Variants in ZNF385D observed in about 807,000 individuals in gnomAD.
ZNF385D encodes the protein zinc finger protein 385D, also known as zinc finger protein 659.
A neutral mutation model predicts 35.8 loss-of-function variants in ZNF385D; 15 were observed. The ratio of observed to expected loss-of-function variants is 0.42; its 90% confidence interval spans 0.28 to 0.64. The LOEUF is 0.64. Ranked by LOEUF, ZNF385D falls within the 30% of genes least tolerant of loss-of-function variation. ZNF385D has a pLI of 0.23. For synonymous variants in ZNF385D, 212 were observed against 186.8 expected, an observed-to-expected ratio of 1.13 and a Z score of -1.10; for missense variants, 474 against 494.6, an observed-to-expected ratio of 0.96 and a Z score of 0.39.
At chr3:22,021,900 C>T (rs1697244892) in intron 3 of ZNF385D, among the ~76,000 whole-genome samples, 1 of 152,030 alleles carries the variant, frequency 6.6e-6, no homozygotes, top group African/African-American at 2.4e-5. Context: ...GAATAATTCC[C>T]AGGTGATTCT....
chr3:22,222,155 T>A (rs183072211), intron 2 of ZNF385D, among the ~76,000 whole-genome samples: 36 of 152,096 alleles, frequency 2.4e-4, no homozygotes, highest in Non-Finnish European at 3.8e-4. Context: ...TTTTATATTT[T>A]TAGTAGAGAT....
intron 5 of ZNF385D, among the ~76,000 whole-genome samples, chr3:21,435,644 T>C (rs1701514258): frequency 6.6e-6 from 1 of 152,186 alleles, no homozygotes; most frequent in African/African-American, 2.4e-5. Flanking sequence ...AATGAATGTG[T>C]TTCTCAGTCA....
At chr3:21,960,703 T>C (rs1293881495) in intron 3 of ZNF385D, among the ~76,000 whole-genome samples, 1 of 151,970 alleles carries the variant, frequency 6.6e-6, no homozygotes, top group African/African-American at 2.4e-5. Flanking sequence ...AATCAACAGA[T>C]AAATGGATAA....
intron 2 of ZNF385D, among the ~76,000 whole-genome samples, chr3:22,276,960 A>G (rs1179734034): frequency 6.6e-6 from 1 of 152,108 alleles, no homozygotes; most frequent in Non-Finnish European, 1.5e-5. Flanking sequence ...TTCACTTAAG[A>G]CTTTATTTTA....
intron 2 of ZNF385D, among the ~76,000 whole-genome samples, chr3:22,191,996 G>T (rs760454963): frequency 6.6e-6 from 1 of 152,128 alleles, no homozygotes. Flanking sequence ...ACATAATGAT[G>T]AAGAGGATAT....
intron 3 of ZNF385D, among the ~76,000 whole-genome samples, chr3:22,031,598 C>T (rs947844632): frequency 1.3e-5 from 2 of 152,146 alleles, no homozygotes; most frequent in Non-Finnish European, 1.5e-5. Flanking sequence ...CTGGACTGGG[C>T]CTACAAAACC....
At chr3:22,298,038 A>T (rs756562260) in intron 2 of ZNF385D, among the ~76,000 whole-genome samples, 3 of 152,078 alleles carry the variant, frequency 2.0e-5, no homozygotes, top group Non-Finnish European at 4.4e-5. Flanking sequence ...GATGAAGGGT[A>T]GAGGGAAGAG....
At position 22,331,406 on chromosome 3, in the gene ZNF385D, T is replaced by C. The variant is rs187403089; in HGVS notation, c.106+41044A>G. On this transcript the variant is annotated intron_variant, in intron 2 of 5. Transcript: ENST00000494108. ...AAACTCTAACAATGGTTATAAACAG[T>C]AATATGAATAAAACAAAAAGAAAAC... Among the ~76,000 whole-genome samples the C allele has an allele frequency of 2.5e-3, 388 of 152,270 alleles. 3 individuals carry two copies. The highest frequency in any genetic ancestry group is 0.01 in the Middle Eastern group (3 of 294).
chr3:22,248,589 G>A (rs868346760), intron 2 of ZNF385D, among the ~76,000 whole-genome samples: 18 of 152,076 alleles, frequency 1.2e-4, no homozygotes, highest in African/African-American at 4.1e-4. Context: ...TTTGGATTTT[G>A]ATTCTGGTTT....
intron 2 of ZNF385D, among the ~76,000 whole-genome samples, chr3:21,585,278 G>C (rs774950783): frequency 2.5e-4 from 38 of 152,084 alleles, no homozygotes; most frequent in Non-Finnish European, 3.7e-4. Context: ...ACATGATTTA[G>C]GATCATGTCA....
chr3:21,530,273 G>A (rs2061892194), intron 3 of ZNF385D, among the ~76,000 whole-genome samples: 2 of 152,076 alleles, frequency 1.3e-5, no homozygotes, highest in South Asian at 4.1e-4. Context: ...TCCAGCCTCA[G>A]GTATTTCTTC....
intron 1 of ZNF385D, among the ~76,000 whole-genome samples, chr3:21,684,366 C>CG (rs35180417): frequency 1.3e-4 from 6 of 46,694 alleles, no homozygotes; most frequent in African/African-American, 3.1e-4. Context: ...AACTGTTCTC[C>CG]TCTCTCTCTC....
At chr3:22,222,276 A>T (rs1559462144) in intron 2 of ZNF385D, among the ~76,000 whole-genome samples, 1 of 151,994 alleles carries the variant, frequency 6.6e-6, no homozygotes, top group Non-Finnish European at 1.5e-5. Context: ...AACCACTCTC[A>T]ATTCTGCTGG....
chr3:22,198,493 T>TA (rs1400535440), intron 2 of ZNF385D, among the ~76,000 whole-genome samples: 1 of 152,026 alleles, frequency 6.6e-6, no homozygotes. Context: ...TTTCATAGAA[T>TA]AAAGAAAACA....
intron 2 of ZNF385D, among the ~76,000 whole-genome samples, chr3:22,238,003 A>G (rs1365509560): frequency 1.3e-5 from 2 of 151,004 alleles, no homozygotes; most frequent in Admixed American, 6.6e-5. Context: ...TAGGGGTCCA[A>G]CTTTATTTTT....
At chr3:21,695,616 T>C in intron 1 of ZNF385D, among the ~76,000 whole-genome samples, 1 of 152,130 alleles carries the variant, frequency 6.6e-6, no homozygotes, top group East Asian at 1.9e-4. Flanking sequence ...AAATGATCCT[T>C]ACCATGCTCT....
In ZNF385D at chr3:22,059,251, G is replaced by A. The variant is rs1473607701; in HGVS notation, c.325+109566C>T. 2.6e-5 allele frequency among the ~76,000 whole-genome samples: 4 copies of A among 152,266 alleles called. 1 individual carries two copies. The highest frequency in any genetic ancestry group is 2.0e-4 in the Admixed American group (3 of 15,304). ...AGTGACAGGTGTGTGGGTAAGGGAG[G>A]AAAGAGAGAAAGGGAAAAGAAGAAG... On this transcript the variant is annotated intron_variant, in intron 3 of 5. Transcript: ENST00000494108.
chr3:21,515,291 A>T (rs796177571), intron 3 of ZNF385D, among the ~76,000 whole-genome samples: 2 of 152,166 alleles, frequency 1.3e-5, no homozygotes, highest in Non-Finnish European at 2.9e-5. Context: ...CTTTTATTCC[A>T]TTAGCACCAA....
At chr3:21,695,649 TCCTTGACCTCAG>T (rs1301470736) in intron 1 of ZNF385D, among the ~76,000 whole-genome samples, 1 of 152,094 alleles carries the variant, frequency 6.6e-6, no homozygotes, top group Non-Finnish European at 1.5e-5. Flanking sequence ...AGAAAATTTA[TCCTTGACCTCAG>T]CCAGTCATCA....
Sources: allele counts gnomAD v4.1 joint callset (sites outside exome capture counted in the v4.1 genomes callset), GRCh38; gene constraint gnomAD v4.1.1; transcripts MANE v1.5; gene names NCBI Gene and HGNC (gene_info 2026-07-23, HGNC 2026-07-21).